Variants in PDZD2 observed in about 807,000 individuals in gnomAD.
PDZD2 encodes the protein PDZ domain containing 2, also known as PDZ domain-containing protein 2.
Under a neutral mutation model 220.7 loss-of-function variants are expected in PDZD2, and 90 were observed. The observed-to-expected ratio is 0.41, with a 90% CI of 0.34 to 0.49. The LOEUF (loss-of-function observed/expected upper bound fraction) is 0.49, where lower values mean the gene tolerates loss of function less well. Among genes scored for constraint, PDZD2 ranks in the 20% least tolerant of loss-of-function variants. PDZD2 has a pLI of 0.28. For missense variants in PDZD2, 3,174 were observed against 3,608.5 expected, an observed-to-expected ratio of 0.88 and a Z score of 3.08; for synonymous variants, 1,375 against 1,450.5, an observed-to-expected ratio of 0.95 and a Z score of 1.18.
chr5:32,063,683 G>A (rs551988954), intron 14 of PDZD2, among the ~76,000 whole-genome samples: 1 of 152,318 alleles, frequency 6.6e-6, no homozygotes, highest in Non-Finnish European at 1.5e-5. Context: ...CAACATACCA[G>A]GGATACACAA....
At chr5:31,858,231 G>A (rs979465283) in intron 2 of PDZD2, among the ~76,000 whole-genome samples, 14 of 152,124 alleles carry the variant, frequency 9.2e-5, no homozygotes, top group Non-Finnish European at 1.5e-4. Flanking sequence ...CCAAAGTGCT[G>A]GGATTATAGG....
chr5:31,895,675 G>A (rs536616277), intron 2 of PDZD2, among the ~76,000 whole-genome samples: 1 of 152,250 alleles, frequency 6.6e-6, no homozygotes, highest in South Asian at 2.1e-4. Flanking sequence ...AGCCTTACAT[G>A]AACATATTGT....
At chr5:32,017,478 G>T (rs966357027) in intron 6 of PDZD2, among the ~76,000 whole-genome samples, 1 of 151,856 alleles carries the variant, frequency 6.6e-6, no homozygotes, top group African/African-American at 2.4e-5. Flanking sequence ...AGTTTAAAAT[G>T]GCCTTGGCAC....
intron 1 of PDZD2, among the ~76,000 whole-genome samples, chr5:31,758,543 C>T (rs1751436536): frequency 6.6e-6 from 1 of 152,204 alleles, no homozygotes; most frequent in Non-Finnish European, 1.5e-5. Flanking sequence ...ATGACTGGGC[C>T]GATGGGCCCC....
At chr5:32,077,358 T>G in intron 18 of PDZD2, 104 bp from the exon 19 acceptor site, 2 of 1,190,178 alleles carry the variant, frequency 1.7e-6, no homozygotes, top group Admixed American at 3.6e-5. Flanking sequence ...CCAGGGCCCC[T>G]TTGCCTTTTC....
chr5:31,860,456 G>C (rs999047055), intron 2 of PDZD2, among the ~76,000 whole-genome samples: 2 of 152,082 alleles, frequency 1.3e-5, no homozygotes, highest in African/African-American at 4.8e-5. Context: ...TGCAATCATT[G>C]TTTCTCCTGT....
At chr5:31,918,523 A>G (rs1446152098) in intron 2 of PDZD2, among the ~76,000 whole-genome samples, 1 of 152,218 alleles carries the variant, frequency 6.6e-6, no homozygotes, top group African/African-American at 2.4e-5. Flanking sequence ...GGACAGAAAA[A>G]GACACCTGGT....
chr5:31,869,805 G>A lies in PDZD2; in HGVS notation c.476+70081G>A, dbSNP rs147040014. Among the ~76,000 whole-genome samples the A allele has an allele frequency of 3.8e-4, 58 of 152,206 alleles. 1 individual carries two copies. In the East Asian group the frequency reaches 7.5e-3, roughly 20 times the overall value. On this transcript the variant is annotated intron_variant, in intron 2 of 24. Coordinates refer to ENST00000438447, the MANE Select transcript of PDZD2 (RefSeq NM_178140.4). ...AGTGCCTTCTAGCAGTGCTGCAGCCGAGCTCACAGTCTTAATTCCTGCTGT... is the reference window on the plus strand; with the variant it reads ...AGTGCCTTCTAGCAGTGCTGCAGCCAAGCTCACAGTCTTAATTCCTGCTGT...
At chr5:31,750,131 T>C (rs923147067) in intron 1 of PDZD2, among the ~76,000 whole-genome samples, 4 of 152,234 alleles carry the variant, frequency 2.6e-5, no homozygotes, top group East Asian at 1.9e-4. Context: ...CCCCAGGAAC[T>C]GACTTTAGGG....
At position 31,736,432 on chromosome 5, in the gene PDZD2, C is replaced by G. The variant is rs140843194; in HGVS notation, c.-360-62457C>G. ...CACAAGTCTACCAACAGCCCATAAT[C>G]TTGTTTCAATTTATCATTCTACCTT... On this transcript the variant is annotated intron_variant, in intron 1 of 24. Transcript: ENST00000438447. 4.1e-3 allele frequency among the ~76,000 whole-genome samples: 617 copies of G among 152,280 alleles called. 9 individuals carry two copies. Among genetic ancestry groups the G allele is most frequent in the South Asian group, 0.026 (123 of 4,818 alleles).
At chr5:31,915,419 T>C (rs1283353723) in intron 2 of PDZD2, among the ~76,000 whole-genome samples, 2 of 152,150 alleles carry the variant, frequency 1.3e-5, no homozygotes, top group Admixed American at 6.5e-5. Flanking sequence ...GTCTCCTCTA[T>C]TCCTTGCTAC....
chr5:31,934,629 C>CTTTTTTTTTTTTTTTTTT (rs1745568316), intron 2 of PDZD2, among the ~76,000 whole-genome samples: 2 of 105,734 alleles, frequency 1.9e-5, no homozygotes, highest in East Asian at 6.0e-4. Context: ...AAAAAAAAGA[C>CTTTTTTTTTTTTTTTTTT]TTAAGTCCGG....
intron 2 of PDZD2, among the ~76,000 whole-genome samples, chr5:31,876,190 A>G (rs2150329864): frequency 6.6e-6 from 1 of 151,938 alleles, no homozygotes; most frequent in South Asian, 2.1e-4. Context: ...TGTACTTTCT[A>G]GTTTTGGTTA....
At chr5:31,720,630 C>T (rs182029210) in intron 1 of PDZD2, among the ~76,000 whole-genome samples, 29 of 152,214 alleles carry the variant, frequency 1.9e-4, no homozygotes, top group African/African-American at 6.5e-4. Context: ...AAGTTTGGAC[C>T]GCCATGAAGA....
At chr5:31,769,428 C>G (rs1349593581) in intron 1 of PDZD2, among the ~76,000 whole-genome samples, 1 of 152,142 alleles carries the variant, frequency 6.6e-6, no homozygotes. Flanking sequence ...CAAATGTTTC[C>G]CGATTACGAA....
intron 2 of PDZD2, among the ~76,000 whole-genome samples, chr5:31,962,719 C>G (rs945060386): frequency 6.6e-6 from 1 of 152,326 alleles, no homozygotes; most frequent in Non-Finnish European, 1.5e-5. Flanking sequence ...TGGGATGCCC[C>G]TGTATCTGTG....
intron 2 of PDZD2, among the ~76,000 whole-genome samples, chr5:31,967,493 A>G (rs987602199): frequency 2.6e-5 from 4 of 152,144 alleles, no homozygotes; most frequent in African/African-American, 9.7e-5. Context: ...GGAACATGGG[A>G]GATGTGGCAG....
At chr5:31,942,819 G>A (rs1746322833) in intron 2 of PDZD2, among the ~76,000 whole-genome samples, 1 of 152,210 alleles carries the variant, frequency 6.6e-6, no homozygotes, top group Non-Finnish European at 1.5e-5. Context: ...GATGTGCTCA[G>A]TTCCATTTTG....
rs1436844574 is a variant in PDZD2, at chr5:31,764,577, CT to C, written c.-360-34308del. Among the ~76,000 whole-genome samples the C allele has an allele frequency of 2.0e-5, 3 of 152,144 alleles. No individual in the cohort carries two copies. The East Asian group carries it at 5.8e-4, about 29-fold the overall frequency. On this transcript the variant is annotated intron_variant, in intron 1 of 24. Coordinates refer to ENST00000438447, the MANE Select transcript of PDZD2 (RefSeq NM_178140.4). Reference sequence around the variant, plus strand: ...TCGGGAAATCTGATGGCAGAAAGGACTTTTGTTTCCTCTTCTAGGAATTCTC... The same window carrying C: ...TCGGGAAATCTGATGGCAGAAAGGACTTTGTTTCCTCTTCTAGGAATTCTC...
Sources: allele counts gnomAD v4.1 joint callset (sites outside exome capture counted in the v4.1 genomes callset), GRCh38; gene constraint gnomAD v4.1.1; transcripts MANE v1.5; gene names NCBI Gene and HGNC (gene_info 2026-07-23, HGNC 2026-07-21).